IRAK1BP1: variants seen among roughly 807,000 people sequenced by gnomAD.
IRAK1BP1 encodes the protein interleukin-1 receptor-associated kinase 1-binding protein 1.
IRAK1BP1 carries 24 observed loss-of-function variants against 28.0 expected under a neutral mutation model. The ratio of observed to expected loss-of-function variants is 0.86; its 90% confidence interval spans 0.62 to 1.20. The LOEUF (loss-of-function observed/expected upper bound fraction) is 1.20, where lower values mean the gene tolerates loss of function less well. Ranked by LOEUF, IRAK1BP1 falls within the 50% of genes most tolerant of loss-of-function variation. The pLI, the probability that IRAK1BP1 is intolerant of heterozygous loss-of-function variation, is 0.00. For missense variants in IRAK1BP1, 336 were observed against 316.7 expected, an observed-to-expected ratio of 1.06 and a Z score of -0.46; for synonymous variants, 131 against 116.3, an observed-to-expected ratio of 1.13 and a Z score of -0.81.
Position 78,902,820 on chromosome 6 carries a change from A to G in IRAK1BP1, c.*4486A>G. 1 of 473,954 alleles carries G rather than the reference A, an allele frequency of 2.1e-6. No homozygotes were observed. Among genetic ancestry groups the G allele is most frequent in the Non-Finnish European group, 3.8e-6 (1 of 264,938 alleles). The allele number at this position is 473,954 out of a possible 1,614,324, so 29.4% of individuals were successfully genotyped here. ...CATACATACATACATACATACATACATAAAATGCCCAGTATCTTACAAGAC... is the reference window on the plus strand; with the variant it reads ...CATACATACATACATACATACATACGTAAAATGCCCAGTATCTTACAAGAC... On this transcript the variant is annotated 3_prime_UTR_variant, in exon 4 of 4. Coordinates refer to ENST00000369940, the MANE Select transcript of IRAK1BP1 (RefSeq NM_001010844.4).
the IRAK1BP1 span, among the ~76,000 whole-genome samples, chr6:78,968,665 T>C: frequency 6.6e-6 from 1 of 152,242 alleles, no homozygotes; most frequent in East Asian, 1.9e-4. Context: ...CATGACTGTG[T>C]AAATACTGCT....
At chr6:78,975,359 T>C in the IRAK1BP1 span, among the ~76,000 whole-genome samples, 1 of 152,210 alleles carries the variant, frequency 6.6e-6, no homozygotes, top group African/African-American at 2.4e-5. Flanking sequence ...AATTAGGTAT[T>C]GATGGGACAT....
At chr6:78,950,440 T>C (rs1297215050), downstream of IRAK1BP1, among the ~76,000 whole-genome samples, 5 of 152,158 alleles carry the variant, frequency 3.3e-5, no homozygotes, top group East Asian at 1.9e-4. Context: ...CTTTAAATGT[T>C]TGGTTGAATT....
intron 2 of IRAK1BP1, among the ~76,000 whole-genome samples, chr6:78,893,347 T>C (rs957225222): frequency 6.0e-5 from 7 of 116,862 alleles, no homozygotes; most frequent in African/African-American, 1.7e-4. Context: ...TATATATATA[T>C]ATCAACGAAG....
At chr6:78,960,966 TACACA>T in the IRAK1BP1 span, among the ~76,000 whole-genome samples, 18 of 152,286 alleles carry the variant, frequency 1.2e-4, no homozygotes, top group Admixed American at 1.0e-3. Flanking sequence ...AATGCAATGT[TACACA>T]AATTAAATTG....
the IRAK1BP1 span, chr6:78,961,909 A>G: frequency 1.2e-6 from 1 of 865,008 alleles, no homozygotes; most frequent in Non-Finnish European, 1.8e-6. Flanking sequence ...CCTAATCTAC[A>G]TAATCATTAG....
At chr6:78,954,865 T>C in the IRAK1BP1 span, 12 of 1,585,652 alleles carry the variant, frequency 7.6e-6, no homozygotes, top group South Asian at 6.9e-5. Context: ...AATCTTCACA[T>C]TGAAATATGA....
intron 2 of IRAK1BP1, among the ~76,000 whole-genome samples, chr6:78,890,273 G>A (rs1170766870): frequency 6.6e-6 from 1 of 151,726 alleles, no homozygotes; most frequent in African/African-American, 2.4e-5. Flanking sequence ...CCTGTCAGGG[G>A]GTGGGGGGCT....
At chr6:78,955,571 T>C in the IRAK1BP1 span, 286 of 684,900 alleles carry the variant, frequency 4.2e-4, no homozygotes, top group African/African-American at 4.8e-3. Context: ...TTTTTTTATA[T>C]AGAGAATATC....
rs1203738547 is a variant in IRAK1BP1, at chr6:78,944,190, AC to A, written c.*68-1217del. Among the ~76,000 whole-genome samples the A allele has an allele frequency of 5.3e-5, 8 of 152,246 alleles. No individual in the cohort carries two copies. In the East Asian group the frequency reaches 1.5e-3, roughly 29 times the overall value. On this transcript the variant is annotated intron_variant and NMD_transcript_variant, in intron 4 of 4. Coordinates refer to the IRAK1BP1 transcript ENST00000606868. ...TCTAAGTGTTTAGGATGACTGGGAT[AC>A]AAAAGAGAGAAAGAAGGTAAAAGAA...
the IRAK1BP1 span, among the ~76,000 whole-genome samples, chr6:78,974,191 G>A: frequency 6.6e-6 from 1 of 152,116 alleles, no homozygotes; most frequent in African/African-American, 2.4e-5. Flanking sequence ...AGACCACAGA[G>A]CAATCAAACT....
At chr6:78,976,614 G>A in the IRAK1BP1 span, among the ~76,000 whole-genome samples, 62,231 of 140,998 alleles carry the variant, frequency 0.44, 14,211 homozygotes, top group East Asian at 0.68. Flanking sequence ...GAAAATTTTC[G>A]CAATCTACTC....
exon 5 of IRAK1BP1, chr6:78,946,214 T>C (rs1562114496): frequency 1.2e-6 from 2 of 1,613,136 alleles, no homozygotes; most frequent in Non-Finnish European, 1.7e-6. Context: ...GAGGTAGAGC[T>C]TTCTGATTTT....
chr6:78,909,252 A>T (rs750928117), intron 4 of IRAK1BP1, among the ~76,000 whole-genome samples: 2 of 152,226 alleles, frequency 1.3e-5, no homozygotes, highest in Non-Finnish European at 2.9e-5. Context: ...CAAGCCCATT[A>T]TAAGTTGAAA....
the IRAK1BP1 span, among the ~76,000 whole-genome samples, chr6:78,968,857 C>G: frequency 6.6e-6 from 1 of 151,178 alleles, no homozygotes; most frequent in Non-Finnish European, 1.5e-5. Context: ...CAAAGACAAA[C>G]TTGTTAGATA....
At chr6:78,886,032 T>C (rs1370330267) in intron 2 of IRAK1BP1, among the ~76,000 whole-genome samples, 1 of 152,176 alleles carries the variant, frequency 6.6e-6, no homozygotes, top group African/African-American at 2.4e-5. Flanking sequence ...AGGACTGCTG[T>C]TTCTGATTCC....
At chr6:78,909,690 C>T (rs1481260272) in intron 4 of IRAK1BP1, among the ~76,000 whole-genome samples, 3 of 152,136 alleles carry the variant, frequency 2.0e-5, no homozygotes, top group Non-Finnish European at 4.4e-5. Context: ...GTCCAGATGC[C>T]AAGGGAACCT....
chr6:78,880,894 C>T lies in IRAK1BP1; in HGVS notation c.316-4484C>T, dbSNP rs568263640. On this transcript the variant is annotated intron_variant, in intron 1 of 3. Coordinates refer to ENST00000369940, the MANE Select transcript of IRAK1BP1 (RefSeq NM_001010844.4). ...CTGATACCAAATGCTGGGAAGGATA[C>T]AGAGCAACAGGAATTCTCGTTCATT... 9.2e-5 allele frequency among the ~76,000 whole-genome samples: 14 copies of T among 152,236 alleles called. No individual in the cohort carries two copies. In the South Asian group the frequency reaches 2.7e-3, roughly 29 times the overall value.
At chr6:78,933,439 A>T (rs999834073) in intron 4 of IRAK1BP1, among the ~76,000 whole-genome samples, 2 of 137,790 alleles carry the variant, frequency 1.5e-5, no homozygotes, top group Non-Finnish European at 3.3e-5. Context: ...ACCATGGTGA[A>T]CCCCTTCTCT....
Sources: allele counts gnomAD v4.1 joint callset (sites outside exome capture counted in the v4.1 genomes callset), GRCh38; gene constraint gnomAD v4.1.1; transcripts MANE v1.5; gene names NCBI Gene and HGNC (gene_info 2026-07-23, HGNC 2026-07-21).